The following EYA2 variants were observed in gnomAD, a reference collection of about 807,000 sequenced individuals.
The protein encoded by EYA2 is EYA transcriptional coactivator and phosphatase 2, also known as protein phosphatase EYA2.
Under a neutral mutation model 69.2 loss-of-function variants are expected in EYA2, and 31 were observed. That is an observed-to-expected ratio of 0.45 (90% confidence interval 0.34 to 0.60). EYA2 has a LOEUF of 0.60. Among genes scored for constraint, EYA2 ranks in the 20% least tolerant of loss-of-function variants. EYA2 has a pLI of 0.02. For synonymous variants in EYA2, 257 were observed against 279.4 expected (o/e 0.92, Z 0.80); for missense variants, 622 against 701.2 (o/e 0.89, Z 1.28).
At chr20:47,000,198 A>C (rs1281717911) in intron 2 of EYA2, among the ~76,000 whole-genome samples, 4 of 152,238 alleles carry the variant, frequency 2.6e-5, no homozygotes, top group African/African-American at 9.6e-5. Flanking sequence ...CCAGGTAAAG[A>C]ATTTAGAAGA....
At chr20:47,021,613 C>T (rs143612164) in intron 5 of EYA2, among the ~76,000 whole-genome samples, 6 of 128,332 alleles carry the variant, frequency 4.7e-5, no homozygotes, top group East Asian at 2.1e-4. Context: ...GGCGACAAAG[C>T]GAGACTCCAT....
intron 9 of EYA2, among the ~76,000 whole-genome samples, chr20:47,114,519 G>A (rs1183832068): frequency 6.6e-6 from 1 of 152,200 alleles, no homozygotes; most frequent in Non-Finnish European, 1.5e-5. Context: ...GGAGGCTGAG[G>A]CAAAAGAATC....
chr20:47,161,364 C>T (rs951997548), intron 10 of EYA2: 14 of 441,956 alleles, frequency 3.2e-5, no homozygotes, highest in Non-Finnish European at 6.0e-5. Flanking sequence ...GAGCCTGGTG[C>T]GCTGGCTGGC....
intron 12 of EYA2, among the ~76,000 whole-genome samples, chr20:47,175,664 G>A (rs746085559): frequency 5.9e-5 from 9 of 152,214 alleles, no homozygotes; most frequent in Non-Finnish European, 1.3e-4. Context: ...GGAGGAAAAC[G>A]CCGAGGAAAC....
At chr20:46,898,199 C>A (rs1414684521) in intron 1 of EYA2, among the ~76,000 whole-genome samples, 1 of 149,922 alleles carries the variant, frequency 6.7e-6, no homozygotes, top group South Asian at 2.1e-4. Flanking sequence ...GACTTTCTGA[C>A]TAAGACTGGG....
chr20:47,166,393 T>TTAAAAAAAAAAAAAAA lies in EYA2; in HGVS notation c.979-2746_979-2745insTAAAAAAAAAAAAAAA, dbSNP rs1555806208. ...GCTTGGGTGACAGAGCAAGACTGTC[T>TTAAAAAAAAAAAAAAA]AAAAAAAAAAAAAAAAAAAAAAAAA... On this transcript the variant is annotated intron_variant, in intron 10 of 15. Coordinates refer to ENST00000327619, the MANE Select transcript of EYA2 (RefSeq NM_005244.5). Among the ~76,000 whole-genome samples, 12 of 34,520 alleles carry TTAAAAAAAAAAAAAAA rather than the reference T, an allele frequency of 3.5e-4. 2 individuals are homozygous for TTAAAAAAAAAAAAAAA. The highest frequency in any genetic ancestry group is 7.7e-4 in the Non-Finnish European group (11 of 14,302). 22.6% of individuals were successfully genotyped at this position (34,520 alleles called of 152,430 possible). A position where few individuals can be genotyped will look rare whatever the true frequency, so the allele number is the denominator to read the frequency against.
At chr20:47,036,325 G>A (rs375688842) in intron 5 of EYA2, among the ~76,000 whole-genome samples, 139 of 152,218 alleles carry the variant, frequency 9.1e-4, no homozygotes, top group African/African-American at 3.0e-3. Context: ...GCCAAAGTTC[G>A]CGCAAAAACT....
At chr20:46,934,363 C>T (rs1985812798) in intron 1 of EYA2, among the ~76,000 whole-genome samples, 1 of 151,868 alleles carries the variant, frequency 6.6e-6, no homozygotes, top group East Asian at 1.9e-4. Context: ...GCTTCCTTGT[C>T]GTGGTGGTCC....
chr20:46,978,422 G>T, intron 1 of EYA2: 2 of 366,010 alleles, frequency 5.5e-6, no homozygotes, highest in Admixed American at 3.5e-5. Context: ...CGGAACTGAG[G>T]CCTCTGCAGG....
chr20:46,972,978 G>A (rs1469076227), intron 1 of EYA2, among the ~76,000 whole-genome samples: 3 of 152,156 alleles, frequency 2.0e-5, no homozygotes, highest in African/African-American at 4.8e-5. Flanking sequence ...ATTGATTCAG[G>A]CCACAAACAT....
intron 5 of EYA2, among the ~76,000 whole-genome samples, chr20:47,026,285 C>T (rs1275431832): frequency 1.3e-5 from 2 of 152,096 alleles, no homozygotes; most frequent in East Asian, 1.9e-4. Context: ...AATGGATTGA[C>T]GGTTTAAATG....
chr20:47,176,174 G>A (rs1416884617), intron 12 of EYA2, among the ~76,000 whole-genome samples: 1 of 148,594 alleles, frequency 6.7e-6, no homozygotes, highest in Non-Finnish European at 1.5e-5. Context: ...CTACCTCCCA[G>A]GTTCAAGTGA....
intron 9 of EYA2, among the ~76,000 whole-genome samples, chr20:47,137,848 A>G (rs1166095156): frequency 6.6e-6 from 1 of 152,186 alleles, no homozygotes; most frequent in East Asian, 1.9e-4. Flanking sequence ...AGGGACATGG[A>G]TGAAATTGGA....
intron 1 of EYA2, among the ~76,000 whole-genome samples, chr20:46,912,301 A>T (rs1390259199): frequency 6.6e-6 from 1 of 152,038 alleles, no homozygotes; most frequent in Admixed American, 6.5e-5. Flanking sequence ...GAGGAATCTC[A>T]TTTTTCCCTA....
intron 12 of EYA2, among the ~76,000 whole-genome samples, chr20:47,173,395 C>A (rs935939627): frequency 2.0e-5 from 3 of 151,288 alleles, no homozygotes; most frequent in Admixed American, 6.6e-5. Flanking sequence ...GCAGACCAAC[C>A]ACATCAGCAT....
At chr20:47,002,273 T>C (rs1982429968) in intron 3 of EYA2, among the ~76,000 whole-genome samples, 1 of 152,112 alleles carries the variant, frequency 6.6e-6, no homozygotes. Context: ...ACATGTGCCA[T>C]GGTGGTTTGC....
At chr20:47,121,632 A>T (rs777798220) in intron 9 of EYA2, among the ~76,000 whole-genome samples, 1 of 152,210 alleles carries the variant, frequency 6.6e-6, no homozygotes, top group African/African-American at 2.4e-5. Flanking sequence ...ACCCTGGACA[A>T]CATAGATCCT....
intron 10 of EYA2, among the ~76,000 whole-genome samples, chr20:47,156,310 G>A (rs2033952120): frequency 1.3e-5 from 2 of 149,080 alleles, no homozygotes; most frequent in Non-Finnish European, 1.5e-5. Flanking sequence ...CTCCAGCCTG[G>A]GCAACAGAGC....
chr20:46,963,160 G>A (rs734601), intron 1 of EYA2, among the ~76,000 whole-genome samples: 145,387 of 152,262 alleles, frequency 0.95, 69,795 homozygotes, highest in Middle Eastern at 0.99. Flanking sequence ...TTCTCTTATC[G>A]CATCCCCAGT....
Sources: allele counts gnomAD v4.1 joint callset (sites outside exome capture counted in the v4.1 genomes callset), GRCh38; gene constraint gnomAD v4.1.1; transcripts MANE v1.5; gene names NCBI Gene and HGNC (gene_info 2026-07-23, HGNC 2026-07-21).